SDHA: variants seen among roughly 807,000 people sequenced by gnomAD.
SDHA encodes succinate dehydrogenase complex flavoprotein subunit A.
A neutral mutation model predicts 78.4 loss-of-function variants in SDHA; 48 were observed. The observed-to-expected ratio is 0.61, with a 90% CI of 0.49 to 0.78. The LOEUF (loss-of-function observed/expected upper bound fraction) is 0.78. Ranked by LOEUF, SDHA falls within the 30% of genes least tolerant of loss-of-function variation. The pLI, the probability that SDHA is intolerant of heterozygous loss-of-function variation, is 0.00. For synonymous variants in SDHA, 326 were observed against 353.9 expected (o/e 0.92, Z 0.88); for missense variants, 680 against 892.7 (o/e 0.76, Z 3.04).
intron 11 of SDHA, among the ~76,000 whole-genome samples, chr5:245,892 A>T (rs1561005810): frequency 6.6e-6 from 1 of 152,224 alleles, no homozygotes; most frequent in Non-Finnish European, 1.5e-5. Flanking sequence ...CTTCCTACCT[A>T]TGCCATGAGT....
Position 256,676 on chromosome 5 carries a change from G to A in SDHA, c.*256G>A, listed in dbSNP as rs1737220049. 26 of 468,698 alleles carry A rather than the reference G, an allele frequency of 5.5e-5. No homozygotes were observed. The South Asian group carries it at 8.6e-4, about 15-fold the overall frequency. 29.0% of individuals were successfully genotyped at this position (468,698 alleles called of 1,614,324 possible). On this transcript the variant is annotated 3_prime_UTR_variant, in exon 15 of 15. Transcript: ENST00000264932. ...CACAGCTCTTAAATAAAATATAAATGAACAAACTTTCTTTTATTTCCAAAT... is the reference window on the plus strand; with the variant it reads ...CACAGCTCTTAAATAAAATATAAATAAACAAACTTTCTTTTATTTCCAAAT...
chr5:265,709 A>G, the SDHA span, among the ~76,000 whole-genome samples: 12 of 151,976 alleles, frequency 7.9e-5, no homozygotes, highest in Non-Finnish European at 1.5e-4. Flanking sequence ...AATCCCAGTT[A>G]CTCAGGAGGC....
At chr5:223,784 C>G (rs1176973100) in intron 2 of SDHA, among the ~76,000 whole-genome samples, 9 of 140,330 alleles carry the variant, frequency 6.4e-5, no homozygotes, top group African/African-American at 2.5e-4. Context: ...TGTTATGTAT[C>G]TATAAACTAG....
intron 11 of SDHA, among the ~76,000 whole-genome samples, chr5:246,957 T>C (rs944461424): frequency 7.1e-6 from 1 of 141,118 alleles, no homozygotes; most frequent in African/African-American, 3.1e-5. Context: ...TAGCTGACTT[T>C]GTGGGTATTC....
chr5:264,365 G>C, the SDHA span, among the ~76,000 whole-genome samples: 1 of 152,224 alleles, frequency 6.6e-6, no homozygotes, highest in East Asian at 1.9e-4. Flanking sequence ...GCCCTGAGCA[G>C]CAGCTGAAGG....
chr5:247,717 G>C (rs570170136), intron 11 of SDHA, among the ~76,000 whole-genome samples: 1 of 152,342 alleles, frequency 6.6e-6, no homozygotes, highest in South Asian at 2.1e-4. Flanking sequence ...TGCCAATCAG[G>C]AGAGTCTTCT....
the SDHA span, among the ~76,000 whole-genome samples, chr5:264,533 C>A: frequency 7.1e-4 from 107 of 150,090 alleles, no homozygotes; most frequent in Non-Finnish European, 1.4e-3. Context: ...GGCACCCCGG[C>A]CTAATCCAGG....
At chr5:241,223 G>A (rs1474490453) in intron 11 of SDHA, among the ~76,000 whole-genome samples, 1 of 152,172 alleles carries the variant, frequency 6.6e-6, no homozygotes, top group Non-Finnish European at 1.5e-5. Flanking sequence ...TGTCATGGAT[G>A]AGTCACAGCG....
intron 5 of SDHA, 37 bp from the exon 6 acceptor site, chr5:228,148 T>C: frequency 6.2e-7 from 1 of 1,605,390 alleles, no homozygotes. Flanking sequence ...AAAGTTTGGC[T>C]TAACACTTCT....
rs768055345 is a variant in SDHA, at chr5:235,313, G to T, written c.1234G>T (p.Gly412Cys). The part of the protein sequence containing the change: ...VLPTVHYNMG[G>C]IPTNYKGQVL... The stretch of plus-strand genomic sequence containing the variant: ...CCCCACCGTGCATTATAACATGGGC[G>T]GCATTCCCACCAACTACAAGGGGCA... Residue 412 changes from glycine to cysteine, a missense_variant, in exon 9 of 15, where the codon GGC becomes TGC. Gly to Cys is a radical substitution (Grantham distance 159, BLOSUM62 -3). Transcript: ENST00000264932. 13 of 1,614,144 alleles carry T rather than the reference G, an allele frequency of 8.1e-6. No homozygotes were observed. The highest frequency in any genetic ancestry group is 1.0e-5 in the Non-Finnish European group (12 of 1,180,022).
At chr5:237,867 C>T (rs1464600137) in intron 10 of SDHA, among the ~76,000 whole-genome samples, 5 of 137,100 alleles carry the variant, frequency 3.6e-5, no homozygotes, top group East Asian at 1.9e-4. Context: ...GGCCAGCACA[C>T]GCAGAGCTGG....
chr5:242,122 C>T (rs904674813), intron 11 of SDHA, among the ~76,000 whole-genome samples: 3 of 152,022 alleles, frequency 2.0e-5, no homozygotes, highest in African/African-American at 7.2e-5. Context: ...AAATGCGTTC[C>T]GTTGGGGAAG....
intron 1 of SDHA, among the ~76,000 whole-genome samples, chr5:221,309 C>T (rs962586415): frequency 6.6e-6 from 1 of 152,178 alleles, no homozygotes; most frequent in Non-Finnish European, 1.5e-5. Context: ...TATGCAGGTG[C>T]ATTTTTATCA....
At chr5:236,736 C>T (rs544525602) in intron 10 of SDHA, 137 bp downstream of exon 10, 2 of 848,458 alleles carry the variant, frequency 2.4e-6, no homozygotes, top group East Asian at 2.6e-5. Flanking sequence ...CTCCCGGGCT[C>T]AAGCAGTCTT....
At chr5:236,025 C>T (rs1050262826) in intron 9 of SDHA, 2 of 289,376 alleles carry the variant, frequency 6.9e-6, no homozygotes, top group African/African-American at 2.3e-5. Context: ...CTTTACTTCC[C>T]TCTCTTTTTT....
At chr5:248,862 G>A (rs190418042) in intron 11 of SDHA, among the ~76,000 whole-genome samples, 5 of 152,246 alleles carry the variant, frequency 3.3e-5, no homozygotes, top group East Asian at 1.9e-4. Flanking sequence ...TAAGAAATAC[G>A]GCAAGGGTTC....
rs1734960239 is a variant in SDHA, at chr5:225,502, G to T, written c.396G>T (p.Trp132Cys). 1 of 1,613,952 alleles carries T rather than the reference G, an allele frequency of 6.2e-7. No individual in the cohort carries two copies. Among genetic ancestry groups the T allele is most frequent in the South Asian group, 1.1e-5 (1 of 91,074 alleles). ...ACGACACCGTGAAGGGCTCCGACTG[G>T]CTGGGGGACCAGGATGCCATCCACT... is the stretch of plus-strand genomic sequence containing the variant. ...HFYDTVKGSDWLGDQDAIHYM... is the reference protein window; with the variant it reads ...HFYDTVKGSDCLGDQDAIHYM... The change falls in exon 4 of 15, where the codon TGG (tryptophan) becomes TGT (cysteine). Residue 132 changes from tryptophan to cysteine, a missense_variant. Physicochemically the swap from Trp to Cys is radical, Grantham distance 215. Transcript: ENST00000264932.
At chr5:231,088 T>A in intron 7 of SDHA, 88 bp downstream of exon 7, 2 of 1,467,852 alleles carry the variant, frequency 1.4e-6, no homozygotes, top group Non-Finnish European at 1.9e-6. Flanking sequence ...TCCATAGTTT[T>A]ATGTAATAAC....
intron 7 of SDHA, among the ~76,000 whole-genome samples, chr5:231,536 G>A (rs1470977206): frequency 6.7e-6 from 1 of 149,732 alleles, no homozygotes; most frequent in Admixed American, 6.6e-5. Context: ...CTCCAGCCTG[G>A]GCAACAGAGT....
Sources: allele counts gnomAD v4.1 joint callset (sites outside exome capture counted in the v4.1 genomes callset), GRCh38; gene constraint gnomAD v4.1.1; transcripts MANE v1.5; gene names NCBI Gene and HGNC (gene_info 2026-07-23, HGNC 2026-07-21).